CHRNA3: variants seen among roughly 807,000 people sequenced by gnomAD.
CHRNA3 encodes the protein cholinergic receptor nicotinic alpha 3 subunit.
A neutral mutation model predicts 41.9 loss-of-function variants in CHRNA3; 34 were observed. That is an observed-to-expected ratio of 0.81 (90% CI 0.62 to 1.08). The LOEUF is 1.08. Among genes scored for constraint, CHRNA3 ranks in the 50% least tolerant of loss-of-function variants. The pLI, the probability that CHRNA3 is intolerant of heterozygous loss-of-function variation, is 0.00. For missense variants in CHRNA3, 542 were observed against 638.3 expected (o/e 0.85, Z 1.63); for synonymous variants, 281 against 265.2 (o/e 1.06, Z -0.58).
chr15:78,607,243 A>C (rs2053305151), intron 4 of CHRNA3, among the ~76,000 whole-genome samples: 2 of 151,196 alleles, frequency 1.3e-5, no homozygotes, highest in South Asian at 4.2e-4. Context: ...AAAGATTTTC[A>C]TGGAAGATAA....
At chr15:78,600,687 G>A (rs1210581909) in intron 5 of CHRNA3, among the ~76,000 whole-genome samples, 1 of 152,022 alleles carries the variant, frequency 6.6e-6, no homozygotes, top group Non-Finnish European at 1.5e-5. Flanking sequence ...AGACCAACCT[G>A]GGCAACATGG....
At chr15:78,612,904 G>T (rs1219477875) in intron 4 of CHRNA3, among the ~76,000 whole-genome samples, 14 of 149,384 alleles carry the variant, frequency 9.4e-5, no homozygotes, top group South Asian at 4.3e-4. Context: ...CAAAAAGTGG[G>T]TGAAGGATAT....
Position 78,601,808 on chromosome 15 carries a change from A to G in CHRNA3, c.834T>C (p.Ser278=). ...DCGEKVTLCI[S]VLLSLTVFLL... The stretch of plus-strand genomic sequence containing the variant: ...GAAACACCGTCAGGGAGAGGAGGAC[A>G]GAAATGCACAGGGTCACCTTCTCAC... Residue 278 remains serine, a synonymous_variant, in exon 5 of 6, where the codon TCT becomes TCC. Coordinates refer to ENST00000326828, the MANE Select transcript of CHRNA3 (RefSeq NM_000743.5). 6.2e-7 allele frequency: 1 copy of G among 1,614,202 alleles called. No homozygotes were observed. The highest frequency in any genetic ancestry group is 2.2e-5 in the East Asian group (1 of 44,884).
At chr15:78,607,992 A>G (rs897785417) in intron 4 of CHRNA3, among the ~76,000 whole-genome samples, 1 of 152,230 alleles carries the variant, frequency 6.6e-6, no homozygotes, top group African/African-American at 2.4e-5. Context: ...GTCTGAGATC[A>G]AACTGCAAGG....
intron 4 of CHRNA3, among the ~76,000 whole-genome samples, chr15:78,605,505 C>T (rs1316016248): frequency 7.2e-6 from 1 of 139,608 alleles, no homozygotes; most frequent in African/African-American, 2.5e-5. Flanking sequence ...GGCTGCCCCT[C>T]AAAAGACGAG....
intron 4 of CHRNA3, among the ~76,000 whole-genome samples, chr15:78,615,559 C>G (rs549869267): frequency 6.6e-6 from 1 of 152,262 alleles, no homozygotes; most frequent in African/African-American, 2.4e-5. Context: ...GTCACACAGC[C>G]CCCAGGACAG....
At chr15:78,597,131 C>T (rs1038201829) in intron 5 of CHRNA3, among the ~76,000 whole-genome samples, 5 of 152,190 alleles carry the variant, frequency 3.3e-5, no homozygotes, top group Non-Finnish European at 5.9e-5. Context: ...GTACTCTATC[C>T]AGTTTTAGAT....
chr15:78,604,507 G>A (rs2053253340), intron 4 of CHRNA3, among the ~76,000 whole-genome samples: 1 of 152,156 alleles, frequency 6.6e-6, no homozygotes, highest in African/African-American at 2.4e-5. Flanking sequence ...TCATTTCTGG[G>A]GATCCTGGTC....
intron 4 of CHRNA3, among the ~76,000 whole-genome samples, chr15:78,603,079 C>T (rs1018363753): frequency 2.0e-5 from 3 of 152,168 alleles, no homozygotes; most frequent in Non-Finnish European, 4.4e-5. Context: ...GGCTAGAATG[C>T]AGTAGCTCAC....
At chr15:78,610,255 A>C (rs1219984449) in intron 4 of CHRNA3, among the ~76,000 whole-genome samples, 1 of 152,218 alleles carries the variant, frequency 6.6e-6, no homozygotes, top group Non-Finnish European at 1.5e-5. Context: ...TCTCCACCCC[A>C]AATCAACAGA....
intron 5 of CHRNA3, 146 bp from the exon 6 acceptor site, chr15:78,596,878 G>T: frequency 8.4e-7 from 1 of 1,196,400 alleles, no homozygotes; most frequent in Non-Finnish European, 1.1e-6. Flanking sequence ...TAATTGATGT[G>T]GTCTGAGGAA....
At position 78,601,961 on chromosome 15, in the gene CHRNA3, G is replaced by A; in HGVS notation, c.681C>T (p.Ile227=). The change falls in exon 5 of 6, where the codon ATC becomes ATT. Residue 227 remains isoleucine, a synonymous_variant. Coordinates refer to ENST00000326828, the MANE Select transcript of CHRNA3 (RefSeq NM_000743.5). ...ACAGCGAGTATGTGATGTCGGGGTA[G>A]ATCTCCTCGCAGCAGTTGTACTTGA... ...HDIKYNCCEE[I]YPDITYSLYI... is the part of the protein sequence containing the mutation. 6.2e-7 allele frequency: 1 copy of A among 1,613,712 alleles called. No homozygotes were observed. The highest frequency in any genetic ancestry group is 8.5e-7 in the Non-Finnish European group (1 of 1,179,686).
At chr15:78,600,236 G>A (rs1255010424) in intron 5 of CHRNA3, among the ~76,000 whole-genome samples, 2 of 151,978 alleles carry the variant, frequency 1.3e-5, no homozygotes, top group Non-Finnish European at 2.9e-5. Context: ...CACCACGCCT[G>A]GCTAATTTTT....
At chr15:78,600,549 G>A (rs1035965637) in intron 5 of CHRNA3, among the ~76,000 whole-genome samples, 1 of 152,086 alleles carries the variant, frequency 6.6e-6, no homozygotes, top group Non-Finnish European at 1.5e-5. Flanking sequence ...TTTACTCCAC[G>A]TAAATTCTTC....
intron 4 of CHRNA3, among the ~76,000 whole-genome samples, chr15:78,614,222 G>A (rs994938299): frequency 7.9e-5 from 12 of 152,090 alleles, no homozygotes; most frequent in African/African-American, 2.2e-4. Context: ...GCTATAAAAC[G>A]CAAAACATGA....
intron 4 of CHRNA3, among the ~76,000 whole-genome samples, 166 bp from the exon 5 acceptor site, chr15:78,602,430 A>G (rs1480788231): frequency 6.6e-6 from 1 of 152,204 alleles, no homozygotes; most frequent in Non-Finnish European, 1.5e-5. Context: ...ATTTACCAAC[A>G]GGGATACTGA....
In CHRNA3 at chr15:78,601,495, A is replaced by G. The variant is rs151151599; in HGVS notation, c.1147T>C (p.Phe383Leu). The G allele has an allele frequency of 3.7e-6, 6 of 1,614,128 alleles. No homozygotes were observed. The East Asian group carries it at 1.3e-4, about 36-fold the overall frequency. The change falls in exon 5 of 6, where the codon TTC becomes CTC. Residue 383 changes from phenylalanine to leucine, a missense_variant. Physicochemically the swap from Phe to Leu is conservative, Grantham distance 22. Coordinates refer to ENST00000326828, the MANE Select transcript of CHRNA3 (RefSeq NM_000743.5). The stretch of plus-strand genomic sequence containing the variant: ...CAGCCTTTGGACTCTGCGCGGCTGA[A>G]GCAATTCAGATTTGAGAGCTCGGCA... Reference protein sequence around the residue: ...YGAELSNLNCFSRAESKGCKE... With the variant: ...YGAELSNLNCLSRAESKGCKE...
chr15:78,593,280 TTTAG>T (rs1218776031), downstream of CHRNA3: 3 of 1,573,676 alleles, frequency 1.9e-6, no homozygotes, highest in Non-Finnish European at 2.6e-6. Flanking sequence ...GAAGTATACA[TTTAG>T]TTAACACACA....
At chr15:78,617,213 T>C (rs1175826293) in intron 3 of CHRNA3, 80 bp from the exon 4 acceptor site, 2 of 856,048 alleles carry the variant, frequency 2.3e-6, no homozygotes, top group Non-Finnish European at 3.8e-6. Context: ...CCACCCATCT[T>C]GGTGACTCCC....
Sources: allele counts gnomAD v4.1 joint callset (sites outside exome capture counted in the v4.1 genomes callset), GRCh38; gene constraint gnomAD v4.1.1; transcripts MANE v1.5; gene names NCBI Gene and HGNC (gene_info 2026-07-23, HGNC 2026-07-21).